Variants in VRK3 observed in about 807,000 individuals in gnomAD.
The protein encoded by VRK3 is VRK serine/threonine kinase 3, also known as serine/threonine-protein kinase VRK3.
VRK3 carries 50 observed loss-of-function variants against 60.4 expected under a neutral mutation model. That is an observed-to-expected ratio of 0.83 (90% CI 0.66 to 1.05). The LOEUF (loss-of-function observed/expected upper bound fraction) is 1.05, where lower values mean the gene tolerates loss of function less well. Ranked by LOEUF, VRK3 falls within the 50% of genes least tolerant of loss-of-function variation. The pLI, the probability that VRK3 is intolerant of heterozygous loss-of-function variation, is 0.00. For synonymous variants in VRK3, 246 were observed against 227.8 expected (o/e 1.08, Z -0.72); for missense variants, 549 against 585.3 (o/e 0.94, Z 0.64).
At chr19:49,978,730 G>A (rs1457068133) in intron 14 of VRK3, 1 of 186,330 alleles carries the variant, frequency 5.4e-6, no homozygotes, top group East Asian at 1.5e-4. Flanking sequence ...GAAGGACAGA[G>A]GGAGGCATGG....
chr19:50,009,191 C>T (rs2076953993), intron 4 of VRK3, 45 bp downstream of exon 4: 6 of 1,590,266 alleles, frequency 3.8e-6, no homozygotes, highest in Non-Finnish European at 5.1e-6. Flanking sequence ...GATGACCTAA[C>T]TTTGCTCCAC....
chr19:50,014,692 C>T (rs111659633), intron 3 of VRK3, among the ~76,000 whole-genome samples: 27 of 152,042 alleles, frequency 1.8e-4, no homozygotes, highest in African/African-American at 5.8e-4. Context: ...GAGGCCCAGG[C>T]GTGCTGAGGT....
chr19:49,994,654 A>G (rs527601650), intron 9 of VRK3, among the ~76,000 whole-genome samples, 160 bp downstream of exon 9: 3 of 152,236 alleles, frequency 2.0e-5, no homozygotes, highest in Non-Finnish European at 4.4e-5. Context: ...ACCACCCATC[A>G]TCTCGGCTCT....
chr19:49,979,132 A>T lies in VRK3; in HGVS notation c.1387T>A (p.Ser463Thr). The T allele has an allele frequency of 6.2e-7, 1 of 1,613,812 alleles. No individual in the cohort carries two copies. The highest frequency in any genetic ancestry group is 8.5e-7 in the Non-Finnish European group (1 of 1,179,850). ...LEALLQDLRV[S>T]PYDPIGLPMV... ...GGGAGGCCAATGGGGTCATATGGAG[A>T]CACACGCAGATCCTGCAGCAAAGCT... The change falls in exon 14 of 15, where the codon TCT becomes ACT. Residue 463 changes from serine to threonine, a missense_variant. Ser to Thr is a moderately conservative substitution (Grantham distance 58). Transcript: ENST00000316763.
chr19:50,009,129 G>C, intron 4 of VRK3, 107 bp downstream of exon 4: 1 of 1,322,270 alleles, frequency 7.6e-7, no homozygotes, highest in South Asian at 1.4e-5. Context: ...TCCAGGCAGG[G>C]ATGGATGATG....
intron 7 of VRK3, among the ~76,000 whole-genome samples, chr19:49,996,219 CT>C (rs34570672): frequency 1.0e-4 from 15 of 147,424 alleles, no homozygotes; most frequent in Admixed American, 2.7e-4. Context: ...CACGCCCGGC[CT>C]TTTTTTTTTG....
chr19:49,979,255 C>A lies in VRK3; in HGVS notation c.1277-13G>T. The A allele has an allele frequency of 6.2e-7, 1 of 1,614,066 alleles. No homozygotes were observed. On this transcript the variant is annotated splice_polypyrimidine_tract_variant and intron_variant, in intron 13 of 14. Transcript: ENST00000316763. ...TTCTGCAGGGTCTCTGTGGTCAAGA[C>A]AACCCCCAGCAAGGGAGAGCCTGAG...
At chr19:49,976,949 TGAG>T (rs1568764144) in intron 14 of VRK3, among the ~76,000 whole-genome samples, 165 bp from the exon 15 acceptor site, 1 of 152,020 alleles carries the variant, frequency 6.6e-6, no homozygotes, top group Non-Finnish European at 1.5e-5. Flanking sequence ...GGGCTTAGGA[TGAG>T]GAGGAGGCGG....
intron 7 of VRK3, among the ~76,000 whole-genome samples, chr19:49,996,179 C>G (rs752587060): frequency 2.3e-4 from 35 of 152,008 alleles, no homozygotes; most frequent in Middle Eastern, 3.4e-3. Context: ...CTCGGCCTCC[C>G]AAAGTGCTGA....
intron 1 of VRK3, among the ~76,000 whole-genome samples, chr19:50,021,790 C>T (rs2077174728): frequency 6.6e-6 from 1 of 152,244 alleles, no homozygotes; most frequent in African/African-American, 2.4e-5. Context: ...TCAAGTCACT[C>T]ACTTAAGACG....
intron 12 of VRK3, among the ~76,000 whole-genome samples, chr19:49,986,044 A>G (rs2076510104): frequency 6.6e-6 from 1 of 152,162 alleles, no homozygotes; most frequent in African/African-American, 2.4e-5. Flanking sequence ...AGTGTATAAT[A>G]AATGTTAGCT....
chr19:50,014,418 G>A (rs949708008), intron 3 of VRK3, among the ~76,000 whole-genome samples: 8 of 150,222 alleles, frequency 5.3e-5, no homozygotes, highest in Admixed American at 5.3e-4. Context: ...AATCAACTGG[G>A]CTTGGTGGCA....
chr19:50,006,140 A>G (rs944837674), intron 5 of VRK3, among the ~76,000 whole-genome samples: 1 of 150,216 alleles, frequency 6.7e-6, no homozygotes, highest in Admixed American at 6.6e-5. Context: ...ACAAAAAATA[A>G]AAATAAAAAA....
Position 49,997,460 on chromosome 19 carries a change from G to GC in VRK3, c.679+43dup, listed in dbSNP as rs550201210. On this transcript the variant is annotated intron_variant, in intron 7 of 14. Transcript: ENST00000316763. ...AGTCAAGTGCTGTGACCAAGTTGGC[G>GC]CCCCCCTCACTCTCCCCTCCTTGCC... is the stretch of plus-strand genomic sequence containing the variant. 1.2e-4 allele frequency: 185 copies of GC among 1,604,708 alleles called. No individual in the cohort carries two copies. The African/African-American group carries it at 1.8e-3, about 15-fold the overall frequency.
At chr19:49,982,798 G>A (rs534415109) in intron 12 of VRK3, among the ~76,000 whole-genome samples, 7 of 152,220 alleles carry the variant, frequency 4.6e-5, no homozygotes, top group Admixed American at 6.5e-5. Context: ...ATGCATGCAC[G>A]TGCAACCGTT....
chr19:49,993,827 C>G (rs9304695), intron 9 of VRK3, among the ~76,000 whole-genome samples: 1 of 152,036 alleles, frequency 6.6e-6, no homozygotes, highest in Non-Finnish European at 1.5e-5. Flanking sequence ...TCTCCACCCC[C>G]GGGGCCCGGG....
rs754290543 is a variant in VRK3 at position 50,007,741 on chromosome 19, C to T, written c.375G>A (p.Lys125=). 38 of 1,612,942 alleles carry T rather than the reference C, an allele frequency of 2.4e-5. 2 individuals carry two copies. In the South Asian group the frequency reaches 4.0e-4, roughly 17 times the overall value. The change falls in exon 5 of 15, where the codon AAG becomes AAA. Residue 125 remains lysine (K), a synonymous_variant. Coordinates refer to ENST00000316763, the MANE Select transcript of VRK3 (RefSeq NM_016440.4). The part of the protein sequence containing the change: ...SPQVTRGSPQ[K]TSCSPQKTRQ... ...TGGTCTTCTGAGGGCTACAGCTGGTCTTCTGAGGGCTACCCCTGGTCACCT... is the reference window on the plus strand; with the variant it reads ...TGGTCTTCTGAGGGCTACAGCTGGTTTTCTGAGGGCTACCCCTGGTCACCT...
Position 50,025,368 on chromosome 19 carries a change from C to G in VRK3, c.-166G>C, listed in dbSNP as rs1032346016. 1 of 152,230 alleles carries G rather than the reference C, an allele frequency of 6.6e-6. No homozygotes were observed. Among genetic ancestry groups the G allele is most frequent in the Non-Finnish European group, 1.5e-5 (1 of 68,076 alleles). The allele number at this position is 152,230 out of a possible 1,614,324, so 9.4% of individuals were successfully genotyped here. A position where few individuals can be genotyped will look rare whatever the true frequency, so the allele number is the denominator to read the frequency against. On this transcript the variant is annotated 5_prime_UTR_variant, in exon 1 of 15. Coordinates refer to ENST00000316763, the MANE Select transcript of VRK3 (RefSeq NM_016440.4). ...CACCTTCTCAGTTGCCCAGCGAAAACTTCCGCTGGGCGGAGAGCGCTGCGC... is the reference window on the plus strand; with the variant it reads ...CACCTTCTCAGTTGCCCAGCGAAAAGTTCCGCTGGGCGGAGAGCGCTGCGC...
rs1600683571 is a variant in VRK3 at position 49,997,608 on chromosome 19, GAA to G, written c.613-40_613-39del. 2.5e-6 allele frequency: 4 copies of G among 1,610,862 alleles called. No individual in the cohort carries two copies. In the East Asian group the frequency reaches 8.9e-5, roughly 36 times the overall value. On this transcript the variant is annotated intron_variant, in intron 6 of 14. Coordinates refer to ENST00000316763, the MANE Select transcript of VRK3 (RefSeq NM_016440.4). ...AGGAGGGGCAGAAGGCTGTCACACTGAAGTCTCAGATAAGGGCCCCCAGTCCC... is the reference window on the plus strand; with the variant it reads ...AGGAGGGGCAGAAGGCTGTCACACTGGTCTCAGATAAGGGCCCCCAGTCCC...
Sources: allele counts gnomAD v4.1 joint callset (sites outside exome capture counted in the v4.1 genomes callset), GRCh38; gene constraint gnomAD v4.1.1; transcripts MANE v1.5; gene names NCBI Gene and HGNC (gene_info 2026-07-23, HGNC 2026-07-21).